NLGN1: variants seen among roughly 807,000 people sequenced by gnomAD.
NLGN1 encodes neuroligin 1.
In NLGN1, 12 loss-of-function variants were observed where a neutral mutation model predicts 65.5. The ratio of observed to expected loss-of-function variants is 0.18; its 90% CI spans 0.12 to 0.30. The LOEUF (loss-of-function observed/expected upper bound fraction) is 0.30, where lower values mean the gene tolerates loss of function less well. NLGN1 is among the 10% of genes least tolerant of loss of function. NLGN1 has a pLI of 1.00. For synonymous variants in NLGN1, 350 were observed against 359.5 expected, an observed-to-expected ratio of 0.97 and a Z score of 0.30; for missense variants, 750 against 1,007.1, an observed-to-expected ratio of 0.74 and a Z score of 3.46.
intron 2 of NLGN1, among the ~76,000 whole-genome samples, chr3:173,560,153 G>A (rs960355759): frequency 1.3e-5 from 2 of 151,752 alleles, no homozygotes; most frequent in Admixed American, 6.6e-5. Flanking sequence ...CCGCGGTCTC[G>A]ATCTCCTGAC....
chr3:173,874,913 G>A (rs1731837464), intron 4 of NLGN1, among the ~76,000 whole-genome samples: 1 of 152,206 alleles, frequency 6.6e-6, no homozygotes, highest in African/African-American at 2.4e-5. Context: ...CCTAGCCTGA[G>A]CCCTAGGACT....
intron 3 of NLGN1, among the ~76,000 whole-genome samples, chr3:173,608,475 A>G (rs1213211319): frequency 2.6e-5 from 4 of 151,940 alleles, no homozygotes; most frequent in African/African-American, 9.7e-5. Context: ...TGTTTTGCGT[A>G]ATTTATCCAT....
At chr3:174,208,756 G>T (rs1047615881) in intron 4 of NLGN1, among the ~76,000 whole-genome samples, 3 of 151,782 alleles carry the variant, frequency 2.0e-5, no homozygotes, top group African/African-American at 4.8e-5. Flanking sequence ...ATCAGCAAAG[G>T]CCCAAAGGAT....
intron 1 of NLGN1, among the ~76,000 whole-genome samples, chr3:173,402,435 A>T (rs1443669184): frequency 6.6e-6 from 1 of 152,180 alleles, no homozygotes; most frequent in Admixed American, 6.5e-5. Flanking sequence ...AATATAAAAG[A>T]TGGTGTCTGT....
chr3:173,476,900 G>A (rs1726306573), intron 2 of NLGN1, among the ~76,000 whole-genome samples: 1 of 152,130 alleles, frequency 6.6e-6, no homozygotes, highest in Admixed American at 6.5e-5. Context: ...GAAAGAAGGG[G>A]TCTAGGTTGT....
At chr3:174,273,227 T>C (rs904710738) in intron 4 of NLGN1, among the ~76,000 whole-genome samples, 1 of 151,714 alleles carries the variant, frequency 6.6e-6, no homozygotes, top group African/African-American at 2.4e-5. Context: ...GTAATTTGAA[T>C]GTAACTGCAA....
intron 2 of NLGN1, among the ~76,000 whole-genome samples, chr3:173,450,639 T>A (rs1404595011): frequency 6.6e-6 from 1 of 152,224 alleles, no homozygotes; most frequent in African/African-American, 2.4e-5. Context: ...TTCTCCTGGA[T>A]AATATCCTGC....
chr3:173,532,489 A>G (rs1295172381), intron 2 of NLGN1, among the ~76,000 whole-genome samples: 1 of 152,176 alleles, frequency 6.6e-6, no homozygotes, highest in Non-Finnish European at 1.5e-5. Flanking sequence ...GCAAACCAGA[A>G]TTTACCAACT....
intron 4 of NLGN1, among the ~76,000 whole-genome samples, chr3:174,080,093 A>G (rs1249786083): frequency 6.6e-6 from 1 of 152,214 alleles, no homozygotes; most frequent in Non-Finnish European, 1.5e-5. Flanking sequence ...CATACTCTCC[A>G]CATATTACAT....
At chr3:174,228,689 C>T (rs894093404) in intron 4 of NLGN1, among the ~76,000 whole-genome samples, 1 of 152,006 alleles carries the variant, frequency 6.6e-6, no homozygotes, top group African/African-American at 2.4e-5. Context: ...TTTCAAACTA[C>T]AGCAATAAAT....
chr3:173,998,546 A>G (rs1252347292), intron 4 of NLGN1, among the ~76,000 whole-genome samples: 3 of 152,226 alleles, frequency 2.0e-5, no homozygotes, highest in East Asian at 1.9e-4. Context: ...CCAAATTATG[A>G]TACTTTCATC....
intron 4 of NLGN1, among the ~76,000 whole-genome samples, chr3:173,825,183 T>C (rs1016201235): frequency 6.6e-6 from 1 of 152,106 alleles, no homozygotes; most frequent in Non-Finnish European, 1.5e-5. Flanking sequence ...GTTATGCTTT[T>C]TTAAATTTTT....
intron 3 of NLGN1, among the ~76,000 whole-genome samples, chr3:173,769,393 A>C (rs1338217693): frequency 6.6e-6 from 1 of 152,034 alleles, no homozygotes; most frequent in Non-Finnish European, 1.5e-5. Context: ...TCTACACTTC[A>C]TCTCCCAACA....
intron 3 of NLGN1, among the ~76,000 whole-genome samples, chr3:173,691,119 T>C (rs1195509503): frequency 2.6e-5 from 4 of 152,178 alleles, no homozygotes; most frequent in Non-Finnish European, 5.9e-5. Context: ...TAGTCATTGT[T>C]GGCTTCTAAG....
intron 4 of NLGN1, among the ~76,000 whole-genome samples, chr3:174,267,001 A>G (rs1023710291): frequency 1.3e-5 from 2 of 152,166 alleles, no homozygotes; most frequent in Non-Finnish European, 2.9e-5. Context: ...AGCCCCCTGC[A>G]TACTAAAAAC....
At chr3:174,099,185 G>A (rs931964212) in intron 4 of NLGN1, among the ~76,000 whole-genome samples, 2 of 152,164 alleles carry the variant, frequency 1.3e-5, no homozygotes, top group African/African-American at 4.8e-5. Context: ...CTATGCCATA[G>A]AACCCGTTTG....
intron 3 of NLGN1, among the ~76,000 whole-genome samples, chr3:173,673,222 A>G (rs542914080): frequency 2.6e-5 from 4 of 152,348 alleles, no homozygotes; most frequent in African/African-American, 9.6e-5. Context: ...GTAGTAAAAT[A>G]CTAAAATCAT....
At chr3:173,833,372 T>G (rs1437191887) in intron 4 of NLGN1, among the ~76,000 whole-genome samples, 3 of 152,186 alleles carry the variant, frequency 2.0e-5, no homozygotes, top group Non-Finnish European at 4.4e-5. Flanking sequence ...CTTTTTTTCC[T>G]TCCATGGATT....
chr3:173,497,022 T>A (rs1730141638), intron 2 of NLGN1, among the ~76,000 whole-genome samples: 2 of 151,902 alleles, frequency 1.3e-5, no homozygotes, highest in Admixed American at 1.3e-4. Context: ...TGATGAATCA[T>A]CATGATAACA....
Sources: gnomAD v4.1 joint callset for allele counts (sites outside exome capture counted in the v4.1 genomes callset) on GRCh38, gnomAD v4.1.1 for gene constraint, MANE v1.5 for transcripts, NCBI Gene and HGNC (gene_info 2026-07-23, HGNC 2026-07-21) for gene names.